Variants in SHTN1 observed in about 807,000 individuals in gnomAD.
SHTN1 encodes the protein shootin-1.
In SHTN1, 42 loss-of-function variants were observed where a neutral mutation model predicts 83.1. The ratio of observed to expected loss-of-function variants is 0.51; its 90% CI spans 0.39 to 0.65. SHTN1 has a LOEUF of 0.65. SHTN1 is among the 30% of genes least tolerant of loss of function. The probability of loss-of-function intolerance (pLI) is 0.00; values close to 1 mark genes in which losing one functional copy is unlikely to be tolerated. For missense variants in SHTN1, 622 were observed against 737.8 expected (o/e 0.84, Z 1.82); for synonymous variants, 224 against 247.7 (o/e 0.90, Z 0.90).
chr10:117,005,247 C>T (rs1328436854), upstream of SHTN1: 4 of 1,471,592 alleles, frequency 2.7e-6, no homozygotes, highest in South Asian at 1.4e-5. Flanking sequence ...GTGAGATCAT[C>T]CCCACGCACC....
At chr10:116,945,730 G>A (rs1849549612) in intron 7 of SHTN1, among the ~76,000 whole-genome samples, 1 of 152,164 alleles carries the variant, frequency 6.6e-6, no homozygotes, top group African/African-American at 2.4e-5. Context: ...CATTTGGCAT[G>A]TGTCTTAAAG....
intron 1 of SHTN1, among the ~76,000 whole-genome samples, chr10:117,067,695 A>T (rs912789175): frequency 6.6e-6 from 1 of 152,230 alleles, no homozygotes; most frequent in Non-Finnish European, 1.5e-5. Flanking sequence ...AGGACTAGAA[A>T]TGGTGAGCAT....
At chr10:117,124,804 C>A (rs1199390845) in intron 1 of SHTN1, among the ~76,000 whole-genome samples, 1 of 152,180 alleles carries the variant, frequency 6.6e-6, no homozygotes, top group African/African-American at 2.4e-5. Context: ...AGTAATAATT[C>A]TATTTACAGA....
At chr10:117,018,091 C>T (rs1031750619) in intron 2 of SHTN1, among the ~76,000 whole-genome samples, 1 of 152,120 alleles carries the variant, frequency 6.6e-6, no homozygotes, top group East Asian at 1.9e-4. Flanking sequence ...ATGTAGTATT[C>T]TGGACTGGAT....
At chr10:117,077,955 C>T (rs1323606010) in intron 1 of SHTN1, among the ~76,000 whole-genome samples, 1 of 152,104 alleles carries the variant, frequency 6.6e-6, no homozygotes, top group African/African-American at 2.4e-5. Flanking sequence ...AGCAAACCAC[C>T]CGCAACAATT....
At chr10:117,064,691 C>G (rs1852949397) in intron 1 of SHTN1, among the ~76,000 whole-genome samples, 1 of 151,740 alleles carries the variant, frequency 6.6e-6, no homozygotes, top group Non-Finnish European at 1.5e-5. Context: ...TCATACCCCA[C>G]TGCCTTTCCA....
chr10:117,099,623 A>G (rs1853559787), intron 1 of SHTN1, among the ~76,000 whole-genome samples: 1 of 152,200 alleles, frequency 6.6e-6, no homozygotes, highest in Non-Finnish European at 1.5e-5. Context: ...ATTAATTAAA[A>G]TAAAATAAAT....
At chr10:117,103,279 T>TG (rs781663413) in intron 1 of SHTN1, among the ~76,000 whole-genome samples, 1 of 151,850 alleles carries the variant, frequency 6.6e-6, no homozygotes, top group Non-Finnish European at 1.5e-5. Flanking sequence ...TTGGTAGAGA[T>TG]GGGGTTTCAT....
chr10:116,942,849 C>A (rs1247320191), intron 8 of SHTN1, among the ~76,000 whole-genome samples: 1 of 152,168 alleles, frequency 6.6e-6, no homozygotes, highest in Admixed American at 6.5e-5. Flanking sequence ...GTGTCTGGCA[C>A]AGTAAGATGT....
At chr10:116,948,395 C>G (rs1368167829) in intron 7 of SHTN1, among the ~76,000 whole-genome samples, 6 of 152,184 alleles carry the variant, frequency 3.9e-5, no homozygotes, top group Admixed American at 1.3e-4. Flanking sequence ...GACTGTCAGA[C>G]AGCTCAGAAC....
At chr10:116,963,634 TATG>T (rs1442745099) in intron 3 of SHTN1, among the ~76,000 whole-genome samples, 1 of 152,212 alleles carries the variant, frequency 6.6e-6, no homozygotes, top group Non-Finnish European at 1.5e-5. Flanking sequence ...AGTAAAATGA[TATG>T]ATGACTGGAA....
At chr10:117,115,233 G>A (rs1853829305) in intron 1 of SHTN1, among the ~76,000 whole-genome samples, 1 of 152,140 alleles carries the variant, frequency 6.6e-6, no homozygotes, top group Non-Finnish European at 1.5e-5. Flanking sequence ...ATTAAGCCCT[G>A]GAGATATTTC....
chr10:117,071,614 G>C (rs1380689976), intron 1 of SHTN1, among the ~76,000 whole-genome samples: 1 of 152,198 alleles, frequency 6.6e-6, no homozygotes, highest in Non-Finnish European at 1.5e-5. Context: ...TAGACCGTGA[G>C]ATTCTTGACT....
At chr10:116,969,480 T>C (rs2118207) in intron 2 of SHTN1, among the ~76,000 whole-genome samples, 60,318 of 152,042 alleles carry the variant, frequency 0.4, 14,617 homozygotes, top group African/African-American at 0.68. Flanking sequence ...GGCAGCCACA[T>C]GGCACACACT....
intron 1 of SHTN1, among the ~76,000 whole-genome samples, chr10:117,057,795 A>G (rs1852846536): frequency 6.6e-6 from 1 of 152,178 alleles, no homozygotes; most frequent in Non-Finnish European, 1.5e-5. Flanking sequence ...AACCCTAGGG[A>G]AGGGGGAGAA....
At chr10:116,988,274 C>G (rs1013998807) in intron 1 of SHTN1, among the ~76,000 whole-genome samples, 8 of 151,100 alleles carry the variant, frequency 5.3e-5, no homozygotes, top group Admixed American at 5.3e-4. Context: ...ATCTAAACTT[C>G]TAAAAAAAAG....
chr10:117,040,950 A>G (rs1029482144), intron 2 of SHTN1, among the ~76,000 whole-genome samples: 1 of 151,598 alleles, frequency 6.6e-6, no homozygotes, highest in African/African-American at 2.4e-5. Context: ...ATTTTATCTT[A>G]AAATTTTTTT....
At chr10:117,004,107 G>T (rs150494798) in intron 1 of SHTN1, among the ~76,000 whole-genome samples, 16 of 152,022 alleles carry the variant, frequency 1.1e-4, no homozygotes, top group Admixed American at 4.6e-4. Context: ...GGCTGGTCTC[G>T]AACTCCTGAC....
At chr10:116,955,171 T>C (rs1324868830) in intron 4 of SHTN1, among the ~76,000 whole-genome samples, 2 of 151,886 alleles carry the variant, frequency 1.3e-5, no homozygotes, top group Non-Finnish European at 2.9e-5. Context: ...GGAAATGAGT[T>C]GGTTTTTTAA....
Sources: allele counts gnomAD v4.1 joint callset (sites outside exome capture counted in the v4.1 genomes callset), GRCh38; gene constraint gnomAD v4.1.1; transcripts MANE v1.5; gene names NCBI Gene and HGNC (gene_info 2026-07-23, HGNC 2026-07-21).